The following UHRF2 variants were observed in gnomAD, a reference collection of about 807,000 sequenced individuals.
UHRF2 encodes ubiquitin like with PHD and ring finger domains 2, also known as E3 ubiquitin-protein ligase UHRF2.
A neutral mutation model predicts 96.8 loss-of-function variants in UHRF2; 23 were observed. The ratio of observed to expected loss-of-function variants is 0.24; its 90% CI spans 0.17 to 0.34. The LOEUF (loss-of-function observed/expected upper bound fraction) is 0.34, where lower values mean the gene tolerates loss of function less well. Among genes scored for constraint, UHRF2 ranks in the 10% least tolerant of loss-of-function variants. UHRF2 has a pLI of 1.00. For missense variants in UHRF2, 685 were observed against 981.5 expected, an observed-to-expected ratio of 0.70 and a Z score of 4.04; for synonymous variants, 385 against 332.6, an observed-to-expected ratio of 1.16 and a Z score of -1.72.
At chr9:6,462,647 A>G (rs1048511077) in intron 4 of UHRF2, among the ~76,000 whole-genome samples, 1 of 152,186 alleles carries the variant, frequency 6.6e-6, no homozygotes, top group Non-Finnish European at 1.5e-5. Context: ...GGCTGGGTGC[A>G]GTGGCTCATG....
chr9:6,478,606 A>C (rs1823732014), intron 6 of UHRF2, among the ~76,000 whole-genome samples: 1 of 152,228 alleles, frequency 6.6e-6, no homozygotes, highest in Non-Finnish European at 1.5e-5. Context: ...GAACCTTTTA[A>C]TACCATGTTA....
chr9:6,431,598 C>T (rs1320526932), intron 2 of UHRF2, among the ~76,000 whole-genome samples: 3 of 152,102 alleles, frequency 2.0e-5, no homozygotes, highest in Non-Finnish European at 4.4e-5. Context: ...AAAATTCTTA[C>T]GTCCAGTTGT....
At chr9:6,450,980 A>G (rs546409845) in intron 3 of UHRF2, among the ~76,000 whole-genome samples, 1 of 152,202 alleles carries the variant, frequency 6.6e-6, no homozygotes, top group African/African-American at 2.4e-5. Flanking sequence ...TAAATATACC[A>G]TGGGTGAATA....
intron 3 of UHRF2, among the ~76,000 whole-genome samples, chr9:6,452,829 T>A (rs372699476): frequency 2.6e-5 from 4 of 152,186 alleles, no homozygotes; most frequent in African/African-American, 9.6e-5. Flanking sequence ...GATGGTTATA[T>A]GAATCTGAAA....
intron 3 of UHRF2, among the ~76,000 whole-genome samples, chr9:6,448,124 C>A (rs923502466): frequency 4.6e-5 from 7 of 152,010 alleles, no homozygotes; most frequent in African/African-American, 1.7e-4. Flanking sequence ...AGCAAGGTGT[C>A]CAGATTGGAA....
chr9:6,451,929 A>G (rs189585313), intron 3 of UHRF2, among the ~76,000 whole-genome samples: 1 of 152,140 alleles, frequency 6.6e-6, no homozygotes, highest in Non-Finnish European at 1.5e-5. Flanking sequence ...TTTAAGTAAC[A>G]ATGTTAGTTT....
intron 2 of UHRF2, among the ~76,000 whole-genome samples, chr9:6,425,903 A>G (rs1000988228): frequency 1.3e-5 from 2 of 152,246 alleles, no homozygotes; most frequent in African/African-American, 4.8e-5. Flanking sequence ...ATATACATCT[A>G]TGAATATTTA....
chr9:6,474,328 C>G (rs757810824), intron 4 of UHRF2, among the ~76,000 whole-genome samples: 1 of 152,184 alleles, frequency 6.6e-6, no homozygotes, highest in Non-Finnish European at 1.5e-5. Flanking sequence ...ACTTTTGATT[C>G]AGAATGCATT....
chr9:6,427,532 A>C (rs10739100), intron 2 of UHRF2, among the ~76,000 whole-genome samples: 105,976 of 151,778 alleles, frequency 0.7, 39,595 homozygotes, highest in South Asian at 0.83. Context: ...ACTGAAAATA[A>C]AAAAATTAGC....
At chr9:6,448,902 T>G (rs1021634584) in intron 3 of UHRF2, among the ~76,000 whole-genome samples, 1 of 152,190 alleles carries the variant, frequency 6.6e-6, no homozygotes, top group Non-Finnish European at 1.5e-5. Context: ...GTGTTTGGAT[T>G]TTCAATTGCG....
chr9:6,445,785 A>G (rs1376117806), intron 3 of UHRF2, among the ~76,000 whole-genome samples: 1 of 151,998 alleles, frequency 6.6e-6, no homozygotes, highest in East Asian at 1.9e-4. Flanking sequence ...ACTGATCTCA[A>G]ACTCCTGGGC....
At chr9:6,485,477 T>G (rs895868738) in intron 8 of UHRF2, among the ~76,000 whole-genome samples, 1 of 151,910 alleles carries the variant, frequency 6.6e-6, no homozygotes, top group African/African-American at 2.4e-5. Context: ...ACAGATTATT[T>G]TGGCCAGGGT....
intron 8 of UHRF2, among the ~76,000 whole-genome samples, chr9:6,485,043 T>C (rs1250494156): frequency 1.3e-5 from 2 of 152,134 alleles, no homozygotes; most frequent in Non-Finnish European, 2.9e-5. Flanking sequence ...TCCACCCGCC[T>C]TGGCCTCCCA....
At chr9:6,481,904 G>A (rs1426092685) in intron 7 of UHRF2, 88 bp from the exon 8 acceptor site, 1 of 1,545,080 alleles carries the variant, frequency 6.5e-7, no homozygotes, top group African/African-American at 1.4e-5. Flanking sequence ...TACATAAACA[G>A]TTGGGTTCCT....
chr9:6,436,725 A>G (rs1820869099), intron 3 of UHRF2, among the ~76,000 whole-genome samples: 1 of 152,206 alleles, frequency 6.6e-6, no homozygotes, highest in Admixed American at 6.5e-5. Context: ...AGTTTGGTGT[A>G]TCTTAGAGCA....
intron 2 of UHRF2, among the ~76,000 whole-genome samples, chr9:6,423,231 G>C (rs1820038862): frequency 6.6e-6 from 1 of 152,152 alleles, no homozygotes; most frequent in Non-Finnish European, 1.5e-5. Context: ...TACCAGGCTT[G>C]GATGGCTGAA....
intron 3 of UHRF2, among the ~76,000 whole-genome samples, chr9:6,451,623 G>A (rs1313243315): frequency 6.6e-6 from 1 of 150,436 alleles, no homozygotes; most frequent in African/African-American, 2.5e-5. Context: ...TGGGACTACA[G>A]GCGCCCGCCA....
chr9:6,477,875 C>G, intron 6 of UHRF2, 67 bp downstream of exon 6: 2 of 1,361,246 alleles, frequency 1.5e-6, no homozygotes, highest in Non-Finnish European at 1.0e-6. Context: ...ATTTGAACCA[C>G]CAAAAGTAGA....
In UHRF2 at chr9:6,498,165, T is replaced by C. The variant is rs1164108178; in HGVS notation, c.1908+7T>C. Reference sequence around the variant, plus strand: ...ATTATGTCTACGTTTACAGGTTAGATTACATTTGTCTAGGCTGCCTGTGTG... The same window carrying C: ...ATTATGTCTACGTTTACAGGTTAGACTACATTTGTCTAGGCTGCCTGTGTG... On this transcript the variant is annotated splice_region_variant and intron_variant, in intron 12 of 15. Transcript: ENST00000276893. 1 of 1,612,620 alleles carries C rather than the reference T, an allele frequency of 6.2e-7. No individual in the cohort carries two copies. The highest frequency in any genetic ancestry group is 8.5e-7 in the Non-Finnish European group (1 of 1,179,530).
Sources: gnomAD v4.1 joint callset for allele counts (sites outside exome capture counted in the v4.1 genomes callset) on GRCh38, gnomAD v4.1.1 for gene constraint, MANE v1.5 for transcripts, NCBI Gene and HGNC (gene_info 2026-07-23, HGNC 2026-07-21) for gene names.